Variants in CGGBP1 observed in about 807,000 individuals in gnomAD.
CGGBP1 encodes the protein CGG triplet repeat-binding protein 1.
Under a neutral mutation model 11.4 loss-of-function variants are expected in CGGBP1, and 4 were observed. The observed-to-expected ratio is 0.35, with a 90% CI of 0.17 to 0.80. The LOEUF (loss-of-function observed/expected upper bound fraction) is 0.80, where lower values mean the gene tolerates loss of function less well. Among genes scored for constraint, CGGBP1 ranks in the 30% least tolerant of loss-of-function variants. The probability of loss-of-function intolerance (pLI) is 0.52; values close to 1 mark genes in which losing one functional copy is unlikely to be tolerated. For synonymous variants in CGGBP1, 76 were observed against 74.1 expected, an observed-to-expected ratio of 1.03 and a Z score of -0.13; for missense variants, 135 against 202.1, an observed-to-expected ratio of 0.67 and a Z score of 2.01.
rs2107557096 is a variant in CGGBP1 at position 88,054,729 on chromosome 3, A to G, written c.*744T>C. Reference sequence around the variant, plus strand: ...AGTTTAGAAATTCAAGATGATGCTTAAAATGAAAGCTATGGTTCGAAATTA... The same window carrying G: ...AGTTTAGAAATTCAAGATGATGCTTGAAATGAAAGCTATGGTTCGAAATTA... On this transcript the variant is annotated 3_prime_UTR_variant, in exon 4 of 4. Coordinates refer to ENST00000482016, the MANE Select transcript of CGGBP1 (RefSeq NM_001008390.2). 6.5e-6 allele frequency: 1 copy of G among 152,788 alleles called. No individual in the cohort carries two copies. Among genetic ancestry groups the G allele is most frequent in the East Asian group, 1.9e-4 (1 of 5,192 alleles). 9.5% of individuals were successfully genotyped at this position (152,788 alleles called of 1,614,324 possible).
chr3:88,080,198 G>A (rs988754196), intron 2 of CGGBP1, among the ~76,000 whole-genome samples: 13 of 151,990 alleles, frequency 8.6e-5, no homozygotes, highest in African/African-American at 2.9e-4. Context: ...CTCAGCAGTC[G>A]TTTTCAGATT....
intron 2 of CGGBP1, chr3:88,086,214 G>C (rs1708329180): frequency 6.7e-7 from 1 of 1,490,438 alleles, no homozygotes; most frequent in Non-Finnish European, 8.9e-7. Flanking sequence ...TCGAGATGTT[G>C]AGAACTTTTT....
chr3:88,144,471 A>G (rs1707262533), intron 1 of CGGBP1: 2 of 152,406 alleles, frequency 1.3e-5, no homozygotes, highest in African/African-American at 4.8e-5. Flanking sequence ...TATGTGAAAG[A>G]TATTACAGAT....
intron 2 of CGGBP1, among the ~76,000 whole-genome samples, chr3:88,120,781 T>C (rs1705720944): frequency 6.9e-6 from 1 of 145,162 alleles, no homozygotes; most frequent in Non-Finnish European, 1.5e-5. Context: ...AAATAATGTT[T>C]TAAATTCAAC....
intron 2 of CGGBP1, among the ~76,000 whole-genome samples, chr3:88,081,601 T>C (rs1279674471): frequency 6.6e-6 from 1 of 152,238 alleles, no homozygotes; most frequent in Non-Finnish European, 1.5e-5. Context: ...TGGATTAAAG[T>C]CCAATGCTAT....
upstream of CGGBP1, among the ~76,000 whole-genome samples, chr3:88,063,385 A>T (rs1355292559): frequency 6.6e-6 from 1 of 152,188 alleles, no homozygotes; most frequent in Non-Finnish European, 1.5e-5. Context: ...CAGGCACTGT[A>T]ATAGGTGCCT....
At chr3:88,085,698 A>C (rs1458063847) in intron 2 of CGGBP1, among the ~76,000 whole-genome samples, 2 of 152,162 alleles carry the variant, frequency 1.3e-5, no homozygotes, top group Non-Finnish European at 2.9e-5. Context: ...TGACCTGTTG[A>C]CCTACCCAGA....
chr3:88,139,784 TGAA>T, intron 2 of CGGBP1: 1 of 1,554,772 alleles, frequency 6.4e-7, no homozygotes, highest in East Asian at 2.4e-5. Context: ...AGGAAGAGGA[TGAA>T]GAAGGTGATT....
At chr3:88,107,334 CCT>C (rs1704804280) in intron 2 of CGGBP1, among the ~76,000 whole-genome samples, 1 of 152,090 alleles carries the variant, frequency 6.6e-6, no homozygotes, top group Admixed American at 6.6e-5. Context: ...AATTCGTTAG[CCT>C]ATATATTTAC....
intron 2 of CGGBP1, among the ~76,000 whole-genome samples, chr3:88,083,944 TATATA>T (rs1457101867): frequency 4.7e-4 from 2 of 4,294 alleles, no homozygotes; most frequent in Admixed American, 0.015. Flanking sequence ...ACTTATTTTA[TATATA>T]TATATATATA....
intron 2 of CGGBP1, chr3:88,129,728 C>G (rs1334838422): frequency 7.2e-6 from 11 of 1,527,326 alleles, no homozygotes; most frequent in Non-Finnish European, 8.8e-6. Flanking sequence ...TTGATATCAT[C>G]TGTAATGCTG....
intron 2 of CGGBP1, chr3:88,129,564 CATT>C (rs1311604575): frequency 1.7e-5 from 13 of 746,990 alleles, no homozygotes; most frequent in South Asian, 5.1e-5. Context: ...TACAAGTCAT[CATT>C]GTCTTTGTAG....
upstream of CGGBP1, chr3:88,059,593 A>G (rs1559681473): frequency 3.5e-6 from 5 of 1,414,780 alleles, no homozygotes; most frequent in South Asian, 1.5e-5. Context: ...AATCTGGTCT[A>G]TGTCCAGTGC....
chr3:88,104,870 G>T (rs533881787), intron 2 of CGGBP1, among the ~76,000 whole-genome samples: 3 of 152,236 alleles, frequency 2.0e-5, no homozygotes, highest in Admixed American at 1.3e-4. Flanking sequence ...CAGGCACAGT[G>T]GCTTACGCCT....
chr3:88,091,332 T>C lies in CGGBP1; in HGVS notation c.-228-33109A>G, dbSNP rs148309301. 5.3e-3 allele frequency among the ~76,000 whole-genome samples: 812 copies of C among 152,136 alleles called. 5 individuals are homozygous for C. Among genetic ancestry groups the C allele is most frequent in the African/African-American group, 0.017 (697 of 41,474 alleles). On this transcript the variant is annotated intron_variant, in intron 2 of 3. Coordinates refer to the CGGBP1 transcript ENST00000462901. ...ATAAATAATCACACTACAAGGAAAATGTTTACATTATTTTGCAGATTACCA... is the reference window on the plus strand; with the variant it reads ...ATAAATAATCACACTACAAGGAAAACGTTTACATTATTTTGCAGATTACCA...
At chr3:88,148,013 C>T (rs183378200) in intron 1 of CGGBP1, among the ~76,000 whole-genome samples, 16 of 152,328 alleles carry the variant, frequency 1.1e-4, no homozygotes, top group Non-Finnish European at 2.4e-4. Flanking sequence ...TCATTGCCTC[C>T]TCCTTGCTCA....
upstream of CGGBP1, chr3:88,059,289 G>C (rs1251719722): frequency 6.5e-7 from 1 of 1,532,924 alleles, no homozygotes; most frequent in African/African-American, 1.4e-5. Context: ...GGCGGCGCAG[G>C]GGCTGGTACG....
intron 2 of CGGBP1, among the ~76,000 whole-genome samples, chr3:88,089,361 A>G (rs1019262237): frequency 2.6e-5 from 4 of 151,484 alleles, no homozygotes; most frequent in African/African-American, 4.8e-5. Context: ...CGTGGTGGCA[A>G]GCGCCTGTAA....
rs1387086730 is a variant in CGGBP1, at chr3:88,053,409, T to C, written c.*2064A>G. ...TAGTTACAGTGAATGTGGGAATTAATTAGGAGTCTGAAAAAATACATTAAG... is the reference window on the plus strand; with the variant it reads ...TAGTTACAGTGAATGTGGGAATTAACTAGGAGTCTGAAAAAATACATTAAG... On this transcript the variant is annotated 3_prime_UTR_variant, in exon 4 of 4. Transcript: ENST00000482016. 1 of 152,122 alleles carries C rather than the reference T, an allele frequency of 6.6e-6. No homozygotes were observed. Among genetic ancestry groups the C allele is most frequent in the Admixed American group, 6.5e-5 (1 of 15,280 alleles). 9.4% of individuals were successfully genotyped at this position (152,122 alleles called of 1,614,324 possible). A position where few individuals can be genotyped will look rare whatever the true frequency, so the allele number is the denominator to read the frequency against.
Sources: allele counts gnomAD v4.1 joint callset (sites outside exome capture counted in the v4.1 genomes callset), GRCh38; gene constraint gnomAD v4.1.1; transcripts MANE v1.5; gene names NCBI Gene and HGNC (gene_info 2026-07-23, HGNC 2026-07-21).